The following ASTN2 variants were observed in gnomAD, a reference collection of about 807,000 sequenced individuals.
The protein encoded by ASTN2 is astrotactin 2.
ASTN2 carries 54 observed loss-of-function variants against 139.8 expected under a neutral mutation model. The observed-to-expected ratio is 0.39, with a 90% CI of 0.31 to 0.48. ASTN2 has a LOEUF of 0.48. Among genes scored for constraint, ASTN2 ranks in the 20% least tolerant of loss-of-function variants. The pLI, the probability that ASTN2 is intolerant of heterozygous loss-of-function variation, is 0.95. For missense variants in ASTN2, 1,565 were observed against 1,725.1 expected, an observed-to-expected ratio of 0.91 and a Z score of 1.64; for synonymous variants, 756 against 719.5, an observed-to-expected ratio of 1.05 and a Z score of -0.81.
intron 10 of ASTN2, among the ~76,000 whole-genome samples, chr9:116,959,305 G>T (rs559402940): frequency 1.4e-4 from 22 of 152,294 alleles, no homozygotes; most frequent in Admixed American, 7.8e-4. Flanking sequence ...AGGACAAGAG[G>T]TATGAGGACC....
chr9:116,837,866 C>T (rs1272732141), intron 11 of ASTN2, among the ~76,000 whole-genome samples: 5 of 152,136 alleles, frequency 3.3e-5, no homozygotes, highest in South Asian at 2.1e-4. Flanking sequence ...CAAACTTGGG[C>T]CTGAAAGGCA....
At chr9:116,966,690 G>A (rs1220929201) in intron 10 of ASTN2, among the ~76,000 whole-genome samples, 3 of 147,362 alleles carry the variant, frequency 2.0e-5, no homozygotes, top group Middle Eastern at 3.5e-3. Flanking sequence ...TTTCTCAGAC[G>A]GGCCTCATTT....
chr9:116,578,939 G>A (rs1853839671), intron 19 of ASTN2: 2 of 151,930 alleles, frequency 1.3e-5, no homozygotes, highest in Admixed American at 1.3e-4. Flanking sequence ...ATTTTCTTAG[G>A]AAGTAAATTC....
At position 116,425,902 on chromosome 9, in the gene ASTN2, C is replaced by T; in HGVS notation, c.3969G>A (p.Glu1323=). 6.2e-7 allele frequency: 1 copy of T among 1,614,168 alleles called. No individual in the cohort carries two copies. Among genetic ancestry groups the T allele is most frequent in the South Asian group, 1.1e-5 (1 of 91,078 alleles). ...ILKDTKITCE[E]KMVSMARNTY... is the part of the protein sequence containing the mutation. ...TGTTTCGGGCCATTGACACCATCTT[C>T]TCCTCACACGTGATTTTGGTGTCCT... Residue 1323 remains glutamate (E), a synonymous_variant, in exon 23 of 23, where the codon GAG becomes GAA. Coordinates refer to ENST00000313400, the MANE Select transcript of ASTN2 (RefSeq NM_001365068.1).
intron 12 of ASTN2, among the ~76,000 whole-genome samples, chr9:116,809,251 G>A (rs1831105037): frequency 6.6e-6 from 1 of 152,066 alleles, no homozygotes; most frequent in South Asian, 2.1e-4. Flanking sequence ...AATATGCATG[G>A]CATTTAGTTT....
At chr9:117,320,891 T>C (rs1828305118) in intron 1 of ASTN2, among the ~76,000 whole-genome samples, 1 of 152,170 alleles carries the variant, frequency 6.6e-6, no homozygotes, top group Non-Finnish European at 1.5e-5. Context: ...ATGGCACAGA[T>C]CAAAGGAAGT....
At chr9:116,767,149 C>CAT (rs768408829) in intron 13 of ASTN2, among the ~76,000 whole-genome samples, 363 of 96,022 alleles carry the variant, frequency 3.8e-3, no homozygotes, top group African/African-American at 0.012. Context: ...CACAATCCTA[C>CAT]ATATACACAC....
At chr9:116,804,704 C>T (rs565128177) in intron 13 of ASTN2, among the ~76,000 whole-genome samples, 13 of 152,124 alleles carry the variant, frequency 8.5e-5, no homozygotes, top group Non-Finnish European at 1.6e-4. Context: ...GGAATGGAAA[C>T]AATGATTATT....
intron 10 of ASTN2, among the ~76,000 whole-genome samples, chr9:116,955,372 T>C (rs1240570515): frequency 1.3e-5 from 2 of 152,200 alleles, no homozygotes; most frequent in African/African-American, 2.4e-5. Flanking sequence ...AACTGTCAAA[T>C]GGAGGCAACT....
intron 5 of ASTN2, among the ~76,000 whole-genome samples, chr9:117,067,935 C>A (rs1253356684): frequency 1.7e-5 from 2 of 120,736 alleles, no homozygotes; most frequent in Non-Finnish European, 3.6e-5. Context: ...TCTAGATATA[C>A]AATCATGTCG....
chr9:117,263,426 A>T (rs1277612925), intron 2 of ASTN2, among the ~76,000 whole-genome samples: 2 of 151,958 alleles, frequency 1.3e-5, no homozygotes, highest in Non-Finnish European at 2.9e-5. Flanking sequence ...CAAATTCTTT[A>T]AAAAAATCCT....
chr9:116,539,051 G>C (rs771165425), intron 19 of ASTN2, among the ~76,000 whole-genome samples: 1 of 152,210 alleles, frequency 6.6e-6, no homozygotes, highest in South Asian at 2.1e-4. Flanking sequence ...CTACGACATG[G>C]ACGAACCTTG....
At chr9:116,746,075 A>C (rs13286082) in intron 13 of ASTN2, among the ~76,000 whole-genome samples, 20,753 of 148,640 alleles carry the variant, frequency 0.14, 1,859 homozygotes, top group Non-Finnish European at 0.2. Flanking sequence ...GCCAAGGCAA[A>C]CTGAGTACTT....
intron 16 of ASTN2, among the ~76,000 whole-genome samples, chr9:116,716,225 G>A (rs1032916386): frequency 6.6e-6 from 1 of 152,144 alleles, no homozygotes; most frequent in Non-Finnish European, 1.5e-5. Context: ...TCAATCTCTT[G>A]TCACTTCCCC....
chr9:117,278,139 C>T (rs1008990843), intron 2 of ASTN2, among the ~76,000 whole-genome samples: 1 of 152,206 alleles, frequency 6.6e-6, no homozygotes, highest in African/African-American at 2.4e-5. Flanking sequence ...AAAAGCAGGA[C>T]AAGGTCCTCC....
In ASTN2 at chr9:116,949,239, G is replaced by C. The variant is rs957689453; in HGVS notation, c.1889+25969C>G. ...CTCTGAGGTTTGAAAATGCTCCTGA[G>C]CTTGGTGGCCACCCAAAGAGCTCTA... On this transcript the variant is annotated intron_variant, in intron 10 of 22. Coordinates refer to ENST00000313400, the MANE Select transcript of ASTN2 (RefSeq NM_001365068.1). 2.0e-5 allele frequency among the ~76,000 whole-genome samples: 3 copies of C among 152,244 alleles called. No homozygotes were observed. In the South Asian group the frequency reaches 6.2e-4, roughly 32 times the overall value.
intron 6 of ASTN2, among the ~76,000 whole-genome samples, chr9:117,019,675 C>T (rs996559522): frequency 3.3e-5 from 5 of 152,056 alleles, no homozygotes; most frequent in Non-Finnish European, 4.4e-5. Flanking sequence ...TGGTATATGT[C>T]GCATGAAAGG....
chr9:117,306,811 T>A (rs1835011139), intron 1 of ASTN2, among the ~76,000 whole-genome samples: 1 of 152,148 alleles, frequency 6.6e-6, no homozygotes, highest in African/African-American at 2.4e-5. Context: ...TTTTCTTTAA[T>A]GACCACTGAC....
At chr9:117,301,510 C>G (rs1564134892) in intron 1 of ASTN2, among the ~76,000 whole-genome samples, 1 of 152,146 alleles carries the variant, frequency 6.6e-6, no homozygotes, top group Non-Finnish European at 1.5e-5. Context: ...GTCTGAGGCC[C>G]TAAAAGGGGA....
Sources: gnomAD v4.1 joint callset for allele counts (sites outside exome capture counted in the v4.1 genomes callset) on GRCh38, gnomAD v4.1.1 for gene constraint, MANE v1.5 for transcripts, NCBI Gene and HGNC (gene_info 2026-07-23, HGNC 2026-07-21) for gene names.